ZMIZ1: variants seen among roughly 807,000 people sequenced by gnomAD.
ZMIZ1 encodes the protein zinc finger MIZ domain-containing protein 1.
ZMIZ1 carries 17 observed loss-of-function variants against 113.9 expected under a neutral mutation model. That is an observed-to-expected ratio of 0.15 (90% CI 0.10 to 0.22). The LOEUF is 0.22. Ranked by LOEUF, ZMIZ1 falls within the 10% of genes least tolerant of loss-of-function variation. ZMIZ1 has a pLI of 1.00. For synonymous variants in ZMIZ1, 607 were observed against 603.1 expected (o/e 1.01, Z -0.09); for missense variants, 1,059 against 1,477.8 (o/e 0.72, Z 4.65).
intron 1 of ZMIZ1, among the ~76,000 whole-genome samples, chr10:79,080,939 C>T (rs1018825633): frequency 6.6e-6 from 1 of 152,082 alleles, no homozygotes; most frequent in Non-Finnish European, 1.5e-5. Context: ...GTATTCTTGG[C>T]ACCTTTGATT....
In ZMIZ1 at chr10:79,168,115, G is replaced by A. The variant is rs1328594708; in HGVS notation, c.-50+5982G>A. ...GAGCCAATTTTCCTCTTTGTTACCT[G>A]CAAGCCCCCTTCAGCTGCACTTGGC... is the stretch of plus-strand genomic sequence containing the variant. On this transcript the variant is annotated intron_variant, in intron 4 of 24. Coordinates refer to ENST00000334512, the MANE Select transcript of ZMIZ1 (RefSeq NM_020338.4). 2.6e-5 allele frequency among the ~76,000 whole-genome samples: 4 copies of A among 152,192 alleles called. No homozygotes were observed. The South Asian group carries it at 6.2e-4, about 24-fold the overall frequency.
chr10:79,261,322 A>G (rs1851255481), intron 7 of ZMIZ1, among the ~76,000 whole-genome samples: 1 of 151,894 alleles, frequency 6.6e-6, no homozygotes, highest in African/African-American at 2.4e-5. Flanking sequence ...CTCTCCCTAC[A>G]TTCCGTGTTA....
intron 7 of ZMIZ1, among the ~76,000 whole-genome samples, chr10:79,269,919 CAA>C (rs1851850457): frequency 6.6e-6 from 1 of 152,240 alleles, no homozygotes; most frequent in Non-Finnish European, 1.5e-5. Flanking sequence ...TCGATGCTAA[CAA>C]AGGCTGGTCA....
chr10:79,141,428 C>T (rs1212749706), intron 3 of ZMIZ1, among the ~76,000 whole-genome samples: 2 of 152,010 alleles, frequency 1.3e-5, no homozygotes, highest in Non-Finnish European at 2.9e-5. Context: ...GTGTAAAGTA[C>T]TCTTTCACTA....
chr10:79,174,697 A>G (rs1401028822), intron 4 of ZMIZ1, among the ~76,000 whole-genome samples: 1 of 152,230 alleles, frequency 6.6e-6, no homozygotes, highest in Non-Finnish European at 1.5e-5. Flanking sequence ...AAGAGCTCAA[A>G]GTGTTAATTC....
At chr10:79,131,750 C>T (rs1416900337) in intron 2 of ZMIZ1, among the ~76,000 whole-genome samples, 2 of 152,212 alleles carry the variant, frequency 1.3e-5, no homozygotes, top group Non-Finnish European at 2.9e-5. Context: ...AAGGGAGACC[C>T]TCTGTGCTGG....
At chr10:79,161,735 T>C (rs1345594525) in intron 3 of ZMIZ1, among the ~76,000 whole-genome samples, 1 of 152,244 alleles carries the variant, frequency 6.6e-6, no homozygotes, top group Admixed American at 6.5e-5. Flanking sequence ...GTTTGTTGAA[T>C]GAATGAGTGA....
Position 79,312,928 on chromosome 10 carries a change from A to G in ZMIZ1, c.*179A>G. The G allele has an allele frequency of 4.9e-6, 3 of 608,148 alleles. No individual in the cohort carries two copies. The highest frequency in any genetic ancestry group is 2.9e-6 in the Non-Finnish European group (1 of 346,416). The allele number at this position is 608,148 out of a possible 1,614,324, so 37.7% of individuals were successfully genotyped here. ...AACAGAGGGGTAGGGAGGGTGCACCAGTGCACCAGGAAGGCTGTGTGGGTC... is the reference window on the plus strand; with the variant it reads ...AACAGAGGGGTAGGGAGGGTGCACCGGTGCACCAGGAAGGCTGTGTGGGTC... On this transcript the variant is annotated 3_prime_UTR_variant, in exon 25 of 25. Transcript: ENST00000334512.
At chr10:79,208,142 G>T (rs1415166303) in intron 5 of ZMIZ1, among the ~76,000 whole-genome samples, 194 bp from the exon 6 acceptor site, 2 of 132,474 alleles carry the variant, frequency 1.5e-5, no homozygotes, top group Admixed American at 7.4e-5. Flanking sequence ...GGTGGGGGGG[G>T]GTGGGAGCAG....
At chr10:79,268,546 T>C (rs1851739120) in intron 7 of ZMIZ1, among the ~76,000 whole-genome samples, 1 of 152,174 alleles carries the variant, frequency 6.6e-6, no homozygotes, top group Non-Finnish European at 1.5e-5. Context: ...TTCATGTCAG[T>C]GTGTTAGTCA....
In ZMIZ1 at chr10:79,162,929, G is replaced by T. The variant is rs77059723; in HGVS notation, c.-50+796G>T. Among the ~76,000 whole-genome samples the T allele has an allele frequency of 8.9e-3, 1,351 of 152,266 alleles. 13 individuals are homozygous for T. The highest frequency in any genetic ancestry group is 0.022 in the African/African-American group (930 of 41,544). On this transcript the variant is annotated intron_variant, in intron 4 of 24. Transcript: ENST00000334512. ...TGGGGCCAGCAGGTCCTAAGGTCGG[G>T]GCCAGCAGGTCCTGAGGTCAAGCCC...
chr10:79,201,548 C>T (rs919367468), intron 4 of ZMIZ1, 36 bp from the exon 5 acceptor site: 156 of 1,509,722 alleles, frequency 1.0e-4, no homozygotes, highest in Middle Eastern at 3.4e-4. Context: ...GCAGGCCTGG[C>T]GTGATCCAGT....
At position 79,124,282 on chromosome 10, in the gene ZMIZ1, T is replaced by G. The variant is rs149228080; in HGVS notation, c.-227+5258T>G. ...GTAGGTCAGGGATTACAAACTGCAG[T>G]CTTCAAGGGTGTCAACAACCCATTG... On this transcript the variant is annotated intron_variant, in intron 2 of 24. Transcript: ENST00000334512. Among the ~76,000 whole-genome samples, 337 of 152,310 alleles carry G rather than the reference T, an allele frequency of 2.2e-3. 2 individuals carry two copies. Among genetic ancestry groups the G allele is most frequent in the African/African-American group, 7.5e-3 (311 of 41,558 alleles).
rs1385500078 is a variant in ZMIZ1 at position 79,292,206 on chromosome 10, C to T, written c.807C>T (p.His269=). The part of the protein sequence containing the change: ...NAPAGMGIPP[H]TRPPADFTQP... The stretch of plus-strand genomic sequence containing the variant: ...CCGCAGGCATGGGCATCCCTCCGCA[C>T]ACCAGGCCGCCTGCTGACTTCACTC... Residue 269 remains histidine (H), a synonymous_variant, in exon 11 of 25, where the codon CAC becomes CAT. Coordinates refer to ENST00000334512, the MANE Select transcript of ZMIZ1 (RefSeq NM_020338.4). 6.2e-7 allele frequency: 1 copy of T among 1,612,236 alleles called. No homozygotes were observed.
chr10:79,310,824 T>C, intron 23 of ZMIZ1, 100 bp from the exon 24 acceptor site: 2 of 1,379,136 alleles, frequency 1.5e-6, no homozygotes, highest in Non-Finnish European at 2.0e-6. Context: ...TTTCGGGGGT[T>C]GTGACTTCCC....
Position 79,296,736 on chromosome 10 carries a change from AC to A in ZMIZ1, c.1413+86del. ...CCCTAACTCCACCGGGATCACTCTG[AC>A]CCTGCGTGTGTTTGCCCCAAGGACA... is the stretch of plus-strand genomic sequence containing the variant. On this transcript the variant is annotated intron_variant, in intron 13 of 24. Transcript: ENST00000334512. This position sits in a 1 kb window ranked among gnomAD's most constrained non-coding sequence, Gnocchi z 4.1. The A allele has an allele frequency of 7.3e-7, 1 of 1,366,314 alleles. No homozygotes were observed. Among genetic ancestry groups the A allele is most frequent in the Non-Finnish European group, 9.8e-7 (1 of 1,017,540 alleles). The allele number at this position is 1,366,314 out of a possible 1,614,324, so 84.6% of individuals were successfully genotyped here. A position where few individuals can be genotyped will look rare whatever the true frequency, so the allele number is the denominator to read the frequency against.
chr10:79,114,318 G>A (rs1206418662), intron 1 of ZMIZ1, among the ~76,000 whole-genome samples: 1 of 152,178 alleles, frequency 6.6e-6, no homozygotes, highest in Non-Finnish European at 1.5e-5. Context: ...CACCCATTTC[G>A]CCGTCTCCGG....
At chr10:79,070,600 C>G (rs1842237427) in intron 1 of ZMIZ1, among the ~76,000 whole-genome samples, 1 of 152,260 alleles carries the variant, frequency 6.6e-6, no homozygotes, top group South Asian at 2.1e-4. Context: ...ACCCCTCTAC[C>G]TGCAGCAAAC....
rs553657945 is a variant in ZMIZ1 at position 79,240,201 on chromosome 10, C to G, written c.280+23927C>G. ...TCGCCCTTTCTTCTTCCTTTCTTCTCTCTCCCAAGTCATTCCCCTGGGGCT... is the reference window on the plus strand; with the variant it reads ...TCGCCCTTTCTTCTTCCTTTCTTCTGTCTCCCAAGTCATTCCCCTGGGGCT... On this transcript the variant is annotated intron_variant, in intron 7 of 24. Coordinates refer to ENST00000334512, the MANE Select transcript of ZMIZ1 (RefSeq NM_020338.4). Among the ~76,000 whole-genome samples, 4 of 152,378 alleles carry G rather than the reference C, an allele frequency of 2.6e-5. No homozygotes were observed. In the East Asian group the frequency reaches 7.7e-4, roughly 29 times the overall value.
Sources: gnomAD v4.1 joint callset for allele counts (sites outside exome capture counted in the v4.1 genomes callset) on GRCh38, gnomAD v4.1.1 for gene constraint, Gnocchi (gnomAD v3.1) non-coding constraint, MANE v1.5 for transcripts, NCBI Gene and HGNC (gene_info 2026-07-23, HGNC 2026-07-21) for gene names.